Variants in SLC17A6 observed in about 807,000 individuals in gnomAD.
SLC17A6 encodes solute carrier family 17 member 6.
A neutral mutation model predicts 67.1 loss-of-function variants in SLC17A6; 35 were observed. The observed-to-expected ratio is 0.52, with a 90% CI of 0.40 to 0.69. The LOEUF (loss-of-function observed/expected upper bound fraction) is 0.69. Ranked by LOEUF, SLC17A6 falls within the 30% of genes least tolerant of loss-of-function variation. The pLI is 0.00. For synonymous variants in SLC17A6, 285 were observed against 252.3 expected (o/e 1.13, Z -1.23); for missense variants, 588 against 723.9 (o/e 0.81, Z 2.15).
At chr11:22,355,168 G>A (rs1026026435) in intron 3 of SLC17A6, among the ~76,000 whole-genome samples, 2 of 152,122 alleles carry the variant, frequency 1.3e-5, no homozygotes, top group African/African-American at 4.8e-5. Context: ...AGTTACATAA[G>A]GTGCTCAAGG....
At chr11:22,347,154 C>T (rs1436659534) in intron 3 of SLC17A6, among the ~76,000 whole-genome samples, 3 of 150,520 alleles carry the variant, frequency 2.0e-5, no homozygotes, top group South Asian at 2.1e-4. Context: ...TTTTTCATTG[C>T]TATATTACTA....
At position 22,375,975 on chromosome 11, in the gene SLC17A6, T is replaced by G. The variant is rs1259600820; in HGVS notation, c.1175-7T>G. 6.3e-7 allele frequency: 1 copy of G among 1,594,514 alleles called. No homozygotes were observed. Among genetic ancestry groups the G allele is most frequent in the Non-Finnish European group, 8.5e-7 (1 of 1,169,934 alleles). ...TCTGAAGAATTTCTATGTGTTTGCTTCTGAAGGTTTTGGCATGGAAGCCAC... is the reference window on the plus strand; with the variant it reads ...TCTGAAGAATTTCTATGTGTTTGCTGCTGAAGGTTTTGGCATGGAAGCCAC... On this transcript the variant is annotated splice_polypyrimidine_tract_variant and splice_region_variant and intron_variant, in intron 9 of 11. Transcript: ENST00000263160.
In SLC17A6 at chr11:22,343,762, C is replaced by T. The variant is rs528178588; in HGVS notation, c.458+397C>T. ...TCTCTCCTGCACTCCCCGCAGGCTC[C>T]CAGGCTCCCCGAGGGTCTGACCTCC... is the stretch of plus-strand genomic sequence containing the variant. On this transcript the variant is annotated intron_variant, in intron 3 of 11. Transcript: ENST00000263160. 3.9e-5 allele frequency among the ~76,000 whole-genome samples: 6 copies of T among 152,246 alleles called. No individual in the cohort carries two copies. In the South Asian group the frequency reaches 1.0e-3, roughly 26 times the overall value.
At chr11:22,365,949 A>AT (rs1028150303) in intron 7 of SLC17A6, among the ~76,000 whole-genome samples, 1 of 152,144 alleles carries the variant, frequency 6.6e-6, no homozygotes, top group Admixed American at 6.5e-5. Context: ...CCTAAACAAT[A>AT]TTTTTAAACA....
intron 6 of SLC17A6, among the ~76,000 whole-genome samples, chr11:22,364,556 C>T (rs966797133): frequency 1.3e-5 from 2 of 152,136 alleles, no homozygotes; most frequent in African/African-American, 2.4e-5. Context: ...GAACCTAAAT[C>T]ATGTTTACTG....
intron 11 of SLC17A6, 123 bp from the exon 12 acceptor site, chr11:22,377,282 G>T: frequency 1.3e-6 from 1 of 758,202 alleles, no homozygotes. Flanking sequence ...TACATAATCA[G>T]GATATGGATT....
intron 7 of SLC17A6, among the ~76,000 whole-genome samples, chr11:22,369,422 G>A (rs932297287): frequency 6.6e-6 from 1 of 152,014 alleles, no homozygotes; most frequent in Non-Finnish European, 1.5e-5. Context: ...TCACCCAGCT[G>A]TTCTGAGTTT....
At position 22,378,475 on chromosome 11, in the gene SLC17A6, A is replaced by G. The variant is rs759905636; in HGVS notation, c.*735A>G. On this transcript the variant is annotated 3_prime_UTR_variant, in exon 12 of 12. Coordinates refer to ENST00000263160, the MANE Select transcript of SLC17A6 (RefSeq NM_020346.3). ...TCAAACTTTTCATGTAGCGTATCAC[A>G]TAACTTTTTTGCAAAAAATATAAAA... 1 of 152,624 alleles carries G rather than the reference A, an allele frequency of 6.6e-6. No homozygotes were observed. The highest frequency in any genetic ancestry group is 1.5e-5 in the Non-Finnish European group (1 of 68,018). The allele number at this position is 152,624 out of a possible 1,614,324, so 9.5% of individuals were successfully genotyped here.
intron 11 of SLC17A6, among the ~76,000 whole-genome samples, chr11:22,377,064 G>A (rs763265380): frequency 3.3e-5 from 5 of 151,998 alleles, no homozygotes; most frequent in Admixed American, 1.3e-4. Flanking sequence ...TGTGTATGCA[G>A]AGCTTTAAAA....
chr11:22,339,704 C>T lies in SLC17A6; in HGVS notation c.86+1085C>T, dbSNP rs1855791207. Among the ~76,000 whole-genome samples the T allele has an allele frequency of 2.0e-5, 3 of 152,200 alleles. No homozygotes were observed. The South Asian group carries it at 6.2e-4, about 32-fold the overall frequency. ...GCATGAGAAATGTAAAGAAAATGAT[C>T]AAACCACTCCCAGATTTTCCAAATC... On this transcript the variant is annotated intron_variant, in intron 1 of 11. Transcript: ENST00000263160.
At chr11:22,354,515 A>G (rs1564981324) in intron 3 of SLC17A6, among the ~76,000 whole-genome samples, 1 of 152,204 alleles carries the variant, frequency 6.6e-6, no homozygotes, top group African/African-American at 2.4e-5. Flanking sequence ...ACTTACTTCA[A>G]AACATAAGAG....
chr11:22,356,931 A>T (rs1855998333), intron 3 of SLC17A6, among the ~76,000 whole-genome samples: 1 of 152,218 alleles, frequency 6.6e-6, no homozygotes, highest in African/African-American at 2.4e-5. Context: ...TAAACATTAA[A>T]AGTAATCTTT....
intron 4 of SLC17A6, among the ~76,000 whole-genome samples, chr11:22,360,527 C>T (rs1319423647): frequency 2.5e-5 from 2 of 79,116 alleles, no homozygotes; most frequent in Non-Finnish European, 5.7e-5. Flanking sequence ...CGCTCTCCTT[C>T]CCCCCCCCCC....
At chr11:22,355,757 A>C (rs1336422398) in intron 3 of SLC17A6, among the ~76,000 whole-genome samples, 1 of 151,828 alleles carries the variant, frequency 6.6e-6, no homozygotes, top group Non-Finnish European at 1.5e-5. Flanking sequence ...ACAGAAGGTA[A>C]CCTCTTCCAT....
intron 3 of SLC17A6, among the ~76,000 whole-genome samples, chr11:22,348,462 G>T (rs966422629): frequency 6.6e-6 from 1 of 152,012 alleles, no homozygotes; most frequent in East Asian, 1.9e-4. Flanking sequence ...CCTTTTCTCC[G>T]CAAAAGGCAA....
intron 7 of SLC17A6, among the ~76,000 whole-genome samples, chr11:22,367,939 C>CT (rs1458622066): frequency 6.6e-6 from 1 of 152,024 alleles, no homozygotes; most frequent in Non-Finnish European, 1.5e-5. Context: ...TTAATTTGAA[C>CT]TTTTTTTATT....
chr11:22,376,185 A>T (rs1192404268), intron 10 of SLC17A6, 93 bp downstream of exon 10: 1 of 715,644 alleles, frequency 1.4e-6, no homozygotes, highest in East Asian at 2.7e-5. Flanking sequence ...AGATATCTTC[A>T]TATATATATT....
At chr11:22,362,360 T>C in intron 5 of SLC17A6, 1 of 334,828 alleles carries the variant, frequency 3.0e-6, no homozygotes, top group Non-Finnish European at 5.9e-6. Flanking sequence ...ACGAATTTGC[T>C]ACAAGGAGAT....
chr11:22,345,524 C>T (rs1855867180), intron 3 of SLC17A6, among the ~76,000 whole-genome samples: 1 of 151,890 alleles, frequency 6.6e-6, no homozygotes, highest in African/African-American at 2.4e-5. Context: ...CTATTTGGAT[C>T]CAAATTAATC....
Sources: allele counts gnomAD v4.1 joint callset (sites outside exome capture counted in the v4.1 genomes callset), GRCh38; gene constraint gnomAD v4.1.1; transcripts MANE v1.5; gene names NCBI Gene and HGNC (gene_info 2026-07-23, HGNC 2026-07-21).